The following DYNC2H1 variants were observed in gnomAD, a reference collection of about 807,000 sequenced individuals.
The protein encoded by DYNC2H1 is cytoplasmic dynein 2 heavy chain 1.
In DYNC2H1, 410 loss-of-function variants were observed where a neutral mutation model predicts 570.0. The ratio of observed to expected loss-of-function variants is 0.72; its 90% CI spans 0.66 to 0.78. The LOEUF is 0.78. DYNC2H1 is among the 30% of genes least tolerant of loss of function. DYNC2H1 has a pLI of 0.00. For synonymous variants in DYNC2H1, 1,688 were observed against 1,677.6 expected, an observed-to-expected ratio of 1.01 and a Z score of -0.15; for missense variants, 4,865 against 5,046.4, an observed-to-expected ratio of 0.96 and a Z score of 1.09.
At chr11:103,329,765 T>C (rs1331560587) in intron 82 of DYNC2H1, among the ~76,000 whole-genome samples, 1 of 152,200 alleles carries the variant, frequency 6.6e-6, no homozygotes, top group Non-Finnish European at 1.5e-5. Flanking sequence ...CCTTGGTACT[T>C]TCTATTAATG....
chr11:103,170,420 T>A lies in DYNC2H1; in HGVS notation c.5151+130T>A. Reference sequence around the variant, plus strand: ...TAGTTGAAGACAGAATTTGTTTAAATTGAAATGTAAAATGGACAGAGGTTG... The same window carrying A: ...TAGTTGAAGACAGAATTTGTTTAAAATGAAATGTAAAATGGACAGAGGTTG... On this transcript the variant is annotated intron_variant, in intron 33 of 88. Transcript: ENST00000375735. The surrounding 1 kb of genome is among the most constrained non-coding windows in gnomAD (Gnocchi z 4.8). 1.0e-6 allele frequency: 1 copy of A among 1,002,318 alleles called. No individual in the cohort carries two copies. Among genetic ancestry groups the A allele is most frequent in the Non-Finnish European group, 1.4e-6 (1 of 724,984 alleles). The allele number at this position is 1,002,318 out of a possible 1,614,324, so 62.1% of individuals were successfully genotyped here.
rs138015402 is a variant in DYNC2H1 at position 103,318,712 on chromosome 11, A to G, written c.11725+2092A>G. On this transcript the variant is annotated intron_variant, in intron 80 of 88. Coordinates refer to ENST00000375735, the MANE Select transcript of DYNC2H1 (RefSeq NM_001377.3). ...TAATGCCAAATAGTATTCCAAGAGA[A>G]TTTTCTGTTTGTTTAAAAGATTTTT... Among the ~76,000 whole-genome samples, 13 of 150,116 alleles carry G rather than the reference A, an allele frequency of 8.7e-5. No individual in the cohort carries two copies. In the East Asian group the frequency reaches 2.4e-3, roughly 27 times the overall value.
Position 103,120,289 on chromosome 11 carries a change from TGGCAATTCTCTGGACTAGAG to T in DYNC2H1, c.1000-157_1000-138del, listed in dbSNP as rs1185617063. 2.6e-5 allele frequency among the ~76,000 whole-genome samples: 4 copies of T among 152,356 alleles called. No homozygotes were observed. In the East Asian group the frequency reaches 5.8e-4, roughly 22 times the overall value. On this transcript the variant is annotated intron_variant, in intron 6 of 88. Transcript: ENST00000375735. ...TGAGCATCACTTTGTTGTTGTCACG[TGGCAATTCTCTGGACTAGAG>T]TTTCAGTTTTATTGGTTTTTTCTTT...
chr11:103,324,077 C>T lies in DYNC2H1; in HGVS notation c.12039+87C>T. On this transcript the variant is annotated intron_variant, in intron 82 of 88. Transcript: ENST00000375735. This position sits in a 1 kb window ranked among gnomAD's most constrained non-coding sequence, Gnocchi z 5.2. ...TTAAACTTGATTTAGTACTGTAGAC[C>T]CCACAAGCTTTATTTAAACATTTTA... The T allele has an allele frequency of 1.5e-6, 1 of 681,550 alleles. No homozygotes were observed. Among genetic ancestry groups the T allele is most frequent in the Non-Finnish European group, 2.2e-6 (1 of 461,906 alleles). The allele number at this position is 681,550 out of a possible 1,614,324, so 42.2% of individuals were successfully genotyped here.
intron 15 of DYNC2H1, 78 bp from the exon 16 acceptor site, chr11:103,135,417 T>C (rs1460938067): frequency 3.4e-5 from 43 of 1,280,184 alleles, no homozygotes; most frequent in Non-Finnish European, 4.4e-5. Flanking sequence ...TTGTGCATTA[T>C]GTGACATGAA....
intron 70 of DYNC2H1, among the ~76,000 whole-genome samples, chr11:103,279,629 C>T (rs553358712): frequency 3.4e-4 from 51 of 151,472 alleles, no homozygotes; most frequent in Non-Finnish European, 6.5e-4. Flanking sequence ...AAAGTAGATA[C>T]GACCTTCTCC....
At position 103,113,560 on chromosome 11, in the gene DYNC2H1, T is replaced by C. The variant is rs778688273; in HGVS notation, c.219T>C (p.Asp73=). ...AGATTGAGTTTGGTGACACAAAAGATAAAGTGCTGGTGTTTTTCAAGCTGC... is the reference window on the plus strand; with the variant it reads ...AGATTGAGTTTGGTGACACAAAAGACAAAGTGCTGGTGTTTTTCAAGCTGC... ...SNTIEFGDTK[D]KVLVFFKLRP... Residue 73 remains aspartate (D), a synonymous_variant, in exon 2 of 89, where the codon GAT becomes GAC. Transcript: ENST00000375735. 6 of 1,570,966 alleles carry C rather than the reference T, an allele frequency of 3.8e-6. No individual in the cohort carries two copies. Among genetic ancestry groups the C allele is most frequent in the African/African-American group, 1.4e-5 (1 of 72,522 alleles).
intron 58 of DYNC2H1, 23 bp from the exon 59 acceptor site, chr11:103,222,942 A>G: frequency 1.2e-6 from 2 of 1,611,686 alleles, no homozygotes; most frequent in South Asian, 1.1e-5. Context: ...AGGATGTTGA[A>G]TCACTTCTCA....
At position 103,190,867 on chromosome 11, in the gene DYNC2H1, CCTAGA is replaced by C. The variant is rs1305061565; in HGVS notation, c.7438-648_7438-644del. 3.3e-5 allele frequency among the ~76,000 whole-genome samples: 5 copies of C among 151,122 alleles called. 1 individual carries two copies. The East Asian group carries it at 5.8e-4, about 18-fold the overall frequency. On this transcript the variant is annotated intron_variant, in intron 45 of 88. Coordinates refer to ENST00000375735, the MANE Select transcript of DYNC2H1 (RefSeq NM_001377.3). ...TCCCAGCATTAAAAAATGGGTCTTACCTAGACCTGTGAGTACCTTGGAATTGCAAC... is the reference window on the plus strand; with the variant it reads ...TCCCAGCATTAAAAAATGGGTCTTACCCTGTGAGTACCTTGGAATTGCAAC...
intron 87 of DYNC2H1, among the ~76,000 whole-genome samples, chr11:103,463,956 T>G (rs958049265): frequency 2.6e-5 from 4 of 152,128 alleles, no homozygotes; most frequent in Non-Finnish European, 5.9e-5. Context: ...AAATATCGTA[T>G]GTATGTAGAT....
At chr11:103,417,281 TGTTG>T (rs1943319365) in intron 84 of DYNC2H1, among the ~76,000 whole-genome samples, 1 of 150,854 alleles carries the variant, frequency 6.6e-6, no homozygotes, top group African/African-American at 2.5e-5. Context: ...GGTTTCACCA[TGTTG>T]GTCAGGGGGG....
rs148543691 is a variant in DYNC2H1 at position 103,364,476 on chromosome 11, G to A, written c.12156+6117G>A. ...CTGTGTCATGTTGGTGTTTGCATCT[G>A]ATAATCTTTCTTTTTAAATTTAAAT... is the stretch of plus-strand genomic sequence containing the variant. On this transcript the variant is annotated intron_variant, in intron 83 of 88. Coordinates refer to ENST00000375735, the MANE Select transcript of DYNC2H1 (RefSeq NM_001377.3). Among the ~76,000 whole-genome samples the A allele has an allele frequency of 8.2e-3, 1,248 of 152,066 alleles. 20 individuals carry two copies. The highest frequency in any genetic ancestry group is 0.029 in the African/African-American group (1,184 of 41,496).
At chr11:103,255,681 A>G (rs953990962) in intron 67 of DYNC2H1, 147 bp downstream of exon 67, 39 of 795,170 alleles carry the variant, frequency 4.9e-5, no homozygotes, top group East Asian at 6.6e-5. Flanking sequence ...AATTCTAACA[A>G]GAAGGGGAGC....
At position 103,334,868 on chromosome 11, in the gene DYNC2H1, A is replaced by G. The variant is rs17100396; in HGVS notation, c.12039+10878A>G. Among the ~76,000 whole-genome samples the G allele has an allele frequency of 0.13, 19,925 of 152,082 alleles. 1,561 individuals are homozygous for G. Among genetic ancestry groups the G allele is most frequent in the Admixed American group, 0.24 (3,649 of 15,270 alleles). Reference sequence around the variant, plus strand: ...GGAGTAATCTTTCCACATGCTGCAGAGAGAAGGGTATTTTCTAGTAATCTT... The same window carrying G: ...GGAGTAATCTTTCCACATGCTGCAGGGAGAAGGGTATTTTCTAGTAATCTT... On this transcript the variant is annotated intron_variant, in intron 82 of 88. Coordinates refer to ENST00000375735, the MANE Select transcript of DYNC2H1 (RefSeq NM_001377.3). The surrounding 1 kb of genome is among the most constrained non-coding windows in gnomAD (Gnocchi z 4.3).
chr11:103,218,039 G>A (rs1863449955), intron 55 of DYNC2H1, among the ~76,000 whole-genome samples: 1 of 152,138 alleles, frequency 6.6e-6, no homozygotes, highest in African/African-American at 2.4e-5. Context: ...ACTAGAATGG[G>A]TAAAATAAAA....
chr11:103,460,668 T>G (rs1236989107), intron 87 of DYNC2H1, among the ~76,000 whole-genome samples: 1 of 151,440 alleles, frequency 6.6e-6, no homozygotes, highest in Non-Finnish European at 1.5e-5. Context: ...AATATATGTA[T>G]AATCTGTATA....
At position 103,411,998 on chromosome 11, in the gene DYNC2H1, G is replaced by A. The variant is rs1466401033; in HGVS notation, c.12366+12126G>A. ...GTCACAGGTGGTATTCTTAGAAATC[G>A]TTTAGGCTGTTTGATGAAATGCAAA... On this transcript the variant is annotated intron_variant, in intron 84 of 88. Transcript: ENST00000375735. Among the ~76,000 whole-genome samples the A allele has an allele frequency of 5.3e-5, 8 of 152,172 alleles. No homozygotes were observed. The South Asian group carries it at 6.2e-4, about 12-fold the overall frequency.
chr11:103,379,995 T>A (rs1941572443), intron 83 of DYNC2H1, among the ~76,000 whole-genome samples: 1 of 152,268 alleles, frequency 6.6e-6, no homozygotes, highest in Non-Finnish European at 1.5e-5. Flanking sequence ...TATAAATGAT[T>A]CAAATGAAAG....
intron 50 of DYNC2H1, 21 bp downstream of exon 50, chr11:103,200,175 C>T (rs540242319): frequency 1.1e-5 from 16 of 1,437,788 alleles, no homozygotes; most frequent in South Asian, 2.8e-5. Context: ...AGTTTCTTTT[C>T]GAAGAAAATA....
Sources: allele counts gnomAD v4.1 joint callset (sites outside exome capture counted in the v4.1 genomes callset), GRCh38; gene constraint gnomAD v4.1.1; non-coding constraint Gnocchi (gnomAD v3.1); transcripts MANE v1.5; gene names NCBI Gene and HGNC (gene_info 2026-07-23, HGNC 2026-07-21).